Variants in BEND6 observed in about 807,000 individuals in gnomAD.
BEND6 encodes BEN domain containing 6, also known as BEN domain-containing protein 6.
BEND6 carries 24 observed loss-of-function variants against 31.8 expected under a neutral mutation model. The observed-to-expected ratio is 0.75, with a 90% CI of 0.55 to 1.06. The LOEUF is 1.06. Ranked by LOEUF, BEND6 falls within the 50% of genes least tolerant of loss-of-function variation. The probability of loss-of-function intolerance (pLI) is 0.00; values close to 1 mark genes in which losing one functional copy is unlikely to be tolerated. For missense variants in BEND6, 294 were observed against 327.4 expected (o/e 0.90, Z 0.79); for synonymous variants, 109 against 114.6 (o/e 0.95, Z 0.31).
intron 1 of BEND6, among the ~76,000 whole-genome samples, chr6:56,959,582 G>A (rs959255440): frequency 6.6e-6 from 1 of 152,160 alleles, no homozygotes; most frequent in Non-Finnish European, 1.5e-5. Context: ...ATATCATCTG[G>A]AAGAACCTAC....
intron 1 of BEND6, among the ~76,000 whole-genome samples, chr6:56,979,341 G>T (rs571393844): frequency 1.7e-4 from 26 of 152,210 alleles, no homozygotes; most frequent in African/African-American, 6.0e-4. Flanking sequence ...CTTGGTGATG[G>T]TTATGCAATA....
Position 57,015,223 on chromosome 6 carries a change from C to T in BEND6, c.389C>T (p.Ser130Phe). ...GGGGGAACCATGTCTACATCTGCAT[C>T]CACCCTCTGGAGAGCAACAAACAAC... ...KGGGTMSTSA[S>F]TLWRATNNSS... is the part of the protein sequence containing the mutation. The change falls in exon 4 of 7, where the codon TCC (serine) becomes TTC (phenylalanine). Residue 130 changes from serine to phenylalanine, a missense_variant. Transcript: ENST00000370746. The T allele has an allele frequency of 6.2e-7, 1 of 1,614,126 alleles. No individual in the cohort carries two copies. Among genetic ancestry groups the T allele is most frequent in the Non-Finnish European group, 8.5e-7 (1 of 1,180,012 alleles).
intron 3 of BEND6, chr6:57,004,443 A>G: frequency 1.7e-6 from 1 of 593,712 alleles, no homozygotes; most frequent in Non-Finnish European, 3.1e-6. Flanking sequence ...CTGGCTGCCC[A>G]TAGCCAGCCC....
intron 3 of BEND6, chr6:57,004,414 C>A (rs1827071721): frequency 1.8e-6 from 1 of 558,898 alleles, no homozygotes; most frequent in African/African-American, 1.9e-5. Context: ...AGAACCCAGC[C>A]CTCATCCCCC....
intron 2 of BEND6, among the ~76,000 whole-genome samples, chr6:56,987,268 C>T (rs537909940): frequency 3.9e-5 from 6 of 152,322 alleles, no homozygotes; most frequent in Admixed American, 3.3e-4. Flanking sequence ...TCGTGAGCCA[C>T]TGTGCCCAGC....
In BEND6 at chr6:57,015,218, T is replaced by C; in HGVS notation, c.384T>C (p.Ser128=). 2 of 1,614,178 alleles carry C rather than the reference T, an allele frequency of 1.2e-6. No homozygotes were observed. The highest frequency in any genetic ancestry group is 1.7e-5 in the Admixed American group (1 of 60,028). Residue 128 remains serine, a synonymous_variant, in exon 4 of 7, where the codon TCT becomes TCC. Coordinates refer to ENST00000370746, the MANE Select transcript of BEND6 (RefSeq NM_152731.3). ...LLKGGGTMST[S]ASTLWRATNN... ...AGGGTGGGGGAACCATGTCTACATC[T>C]GCATCCACCCTCTGGAGAGCAACAA...
chr6:56,998,210 A>C lies in BEND6; in HGVS notation c.298+5655A>C, dbSNP rs1303019355. ...AACAGAAAGTTGAAATCTCTTGTAT[A>C]ATACTATTAAGAAAGGGGTCTAAGG... is the stretch of plus-strand genomic sequence containing the variant. On this transcript the variant is annotated intron_variant, in intron 3 of 6. Transcript: ENST00000370746. 4.6e-5 allele frequency among the ~76,000 whole-genome samples: 7 copies of C among 152,278 alleles called. No homozygotes were observed. The East Asian group carries it at 1.4e-3, about 29-fold the overall frequency.
At chr6:57,004,936 A>G (rs1827099220) in intron 3 of BEND6, 1 of 523,260 alleles carries the variant, frequency 1.9e-6, no homozygotes, top group African/African-American at 1.9e-5. Context: ...CTACATTGTC[A>G]GATTATATAG....
intron 6 of BEND6, 73 bp downstream of exon 6, chr6:57,018,630 G>A (rs1413022387): frequency 3.8e-6 from 5 of 1,300,420 alleles, no homozygotes; most frequent in Non-Finnish European, 5.0e-6. Context: ...TATTGGAATA[G>A]CATTTTCCAA....
At chr6:56,992,730 T>C (rs1005586929) in intron 3 of BEND6, among the ~76,000 whole-genome samples, 175 bp downstream of exon 3, 4 of 152,194 alleles carry the variant, frequency 2.6e-5, no homozygotes, top group African/African-American at 9.7e-5. Context: ...AGCACTCTAT[T>C]GAAGGATCTA....
intron 2 of BEND6, among the ~76,000 whole-genome samples, chr6:56,987,411 G>A (rs538964633): frequency 6.6e-6 from 1 of 152,262 alleles, no homozygotes; most frequent in African/African-American, 2.4e-5. Context: ...CATTTATCTG[G>A]ACACCAATTT....
At chr6:57,010,879 A>C (rs531918595) in intron 3 of BEND6, 2 of 667,824 alleles carry the variant, frequency 3.0e-6, no homozygotes, top group Admixed American at 1.3e-4. Context: ...AATGTTATAA[A>C]ATTAAAAGAT....
chr6:57,014,137 A>G (rs1827447136), intron 3 of BEND6: 1 of 185,572 alleles, frequency 5.4e-6, no homozygotes, highest in Non-Finnish European at 1.1e-5. Context: ...TAAATGTTTA[A>G]TATTATTAAA....
chr6:57,020,482 G>A (rs553696554), intron 6 of BEND6, among the ~76,000 whole-genome samples: 4 of 152,022 alleles, frequency 2.6e-5, no homozygotes, highest in South Asian at 2.1e-4. Flanking sequence ...GTTCAGTGGC[G>A]CGATCTCTGC....
rs62417412 is a variant in BEND6 at position 56,995,088 on chromosome 6, G to A, written c.298+2533G>A. On this transcript the variant is annotated intron_variant, in intron 3 of 6. Coordinates refer to ENST00000370746, the MANE Select transcript of BEND6 (RefSeq NM_152731.3). ...CTTGTGAGTCTCAATCTCCTTCAGT[G>A]CACCAGATCCCATCCCCTTTTTTGT... is the stretch of plus-strand genomic sequence containing the variant. 5.3e-3 allele frequency among the ~76,000 whole-genome samples: 802 copies of A among 151,842 alleles called. 3 individuals are homozygous for A. Among genetic ancestry groups the A allele is most frequent in the Non-Finnish European group, 8.5e-3 (579 of 67,948 alleles).
intron 3 of BEND6, among the ~76,000 whole-genome samples, chr6:57,011,715 C>CAAAAAAAAAAAAAAA (rs770049459): frequency 8.4e-4 from 28 of 33,358 alleles, no homozygotes; most frequent in Middle Eastern, 0.013. Context: ...GGCCCTGTCT[C>CAAAAAAAAAAAAAAA]AAAAAAAAAA....
At chr6:57,001,805 C>T (rs533389031) in intron 3 of BEND6, among the ~76,000 whole-genome samples, 1 of 152,268 alleles carries the variant, frequency 6.6e-6, no homozygotes, top group East Asian at 1.9e-4. Flanking sequence ...GTACGTTGCC[C>T]ACAGATACTG....
At chr6:56,981,353 T>G (rs1826060289) in intron 1 of BEND6, among the ~76,000 whole-genome samples, 1 of 152,196 alleles carries the variant, frequency 6.6e-6, no homozygotes, top group Non-Finnish European at 1.5e-5. Flanking sequence ...GTCTTTTTCC[T>G]AAAGATATAT....
chr6:57,015,215 A>T lies in BEND6; in HGVS notation c.381A>T (p.Thr127=), dbSNP rs546241637. Reference sequence around the variant, plus strand: ...TTAAGGGTGGGGGAACCATGTCTACATCTGCATCCACCCTCTGGAGAGCAA... The same window carrying T: ...TTAAGGGTGGGGGAACCATGTCTACTTCTGCATCCACCCTCTGGAGAGCAA... ...ALLKGGGTMS[T]SASTLWRATN... The change falls in exon 4 of 7, where the codon ACA becomes ACT. Residue 127 remains threonine (T), a synonymous_variant. Coordinates refer to ENST00000370746, the MANE Select transcript of BEND6 (RefSeq NM_152731.3). 2.2e-4 allele frequency: 348 copies of T among 1,614,178 alleles called. 3 individuals carry two copies. In the South Asian group the frequency reaches 3.5e-3, roughly 16 times the overall value.
Sources: allele counts gnomAD v4.1 joint callset (sites outside exome capture counted in the v4.1 genomes callset), GRCh38; gene constraint gnomAD v4.1.1; transcripts MANE v1.5; gene names NCBI Gene and HGNC (gene_info 2026-07-23, HGNC 2026-07-21).